NMI: variants seen among roughly 807,000 people sequenced by gnomAD.
NMI encodes N-myc-interactor.
A neutral mutation model predicts 34.3 loss-of-function variants in NMI; 39 were observed. The ratio of observed to expected loss-of-function variants is 1.14; its 90% CI spans 0.88 to 1.49. The LOEUF is 1.49. NMI is among the 40% of genes most tolerant of loss of function. The pLI is 0.00. For synonymous variants in NMI, 113 were observed against 120.3 expected (o/e 0.94, Z 0.40); for missense variants, 339 against 358.1 (o/e 0.95, Z 0.43).
intron 6 of NMI, among the ~76,000 whole-genome samples, chr2:151,274,322 G>A (rs1409800318): frequency 7.7e-5 from 8 of 104,024 alleles, no homozygotes; most frequent in Admixed American, 1.3e-4. Context: ...CAGCCCGGGC[G>A]ACAGAGCAAG....
chr2:151,272,335 G>C (rs778754236), intron 6 of NMI, among the ~76,000 whole-genome samples: 4 of 152,184 alleles, frequency 2.6e-5, no homozygotes, highest in Non-Finnish European at 5.9e-5. Flanking sequence ...AACAAAAACA[G>C]TTCTTGGGAA....
rs114382883 is a variant in NMI, at chr2:151,286,220, C to T, written c.-6-3266G>A. 4.5e-3 allele frequency among the ~76,000 whole-genome samples: 686 copies of T among 152,170 alleles called. 5 individuals carry two copies. Among genetic ancestry groups the T allele is most frequent in the African/African-American group, 0.016 (648 of 41,514 alleles). Reference sequence around the variant, plus strand: ...GTGCACTGAGAACACAATGTAACTTCGACGACAGTCCTGCCAAAGATGCAT... The same window carrying T: ...GTGCACTGAGAACACAATGTAACTTTGACGACAGTCCTGCCAAAGATGCAT... On this transcript the variant is annotated intron_variant, in intron 1 of 7. Transcript: ENST00000243346.
rs150337566 is a variant in NMI at position 151,285,566 on chromosome 2, C to T, written c.-6-2612G>A. ...CTGCGTCACAGCACTCCAGCCTGAG[C>T]GACAGAGTGAGACTCCATCTCAGAA... is the stretch of plus-strand genomic sequence containing the variant. On this transcript the variant is annotated intron_variant, in intron 1 of 7. Coordinates refer to ENST00000243346, the MANE Select transcript of NMI (RefSeq NM_004688.3). Among the ~76,000 whole-genome samples, 553 of 143,842 alleles carry T rather than the reference C, an allele frequency of 3.8e-3. 15 individuals are homozygous for T. Among genetic ancestry groups the T allele is most frequent in the Admixed American group, 0.031 (427 of 13,764 alleles). 94.4% of individuals were successfully genotyped at this position (143,842 alleles called of 152,430 possible). A position where few individuals can be genotyped will look rare whatever the true frequency, so the allele number is the denominator to read the frequency against.
At chr2:151,284,577 C>T (rs2105211537) in intron 1 of NMI, among the ~76,000 whole-genome samples, 1 of 152,252 alleles carries the variant, frequency 6.6e-6, no homozygotes, top group East Asian at 1.9e-4. Flanking sequence ...GGATAAGCCA[C>T]CATGCCTGTC....
chr2:151,271,246 C>T (rs1475443664), intron 7 of NMI, among the ~76,000 whole-genome samples: 1 of 151,932 alleles, frequency 6.6e-6, no homozygotes, highest in Non-Finnish European at 1.5e-5. Flanking sequence ...CCATTGGATA[C>T]CTGAGAAGGA....
rs569302904 is a variant in NMI at position 151,270,578 on chromosome 2, T to C, written c.*115A>G. The stretch of plus-strand genomic sequence containing the variant: ...TGGAAATAAGTTTTGTATCTAAACA[T>C]AAATGGATGGTAAAAATTAAAGTTT... On this transcript the variant is annotated 3_prime_UTR_variant, in exon 8 of 8. Transcript: ENST00000243346. 1.1e-5 allele frequency: 9 copies of C among 799,442 alleles called. No homozygotes were observed. In the African/African-American group the frequency reaches 1.6e-4, roughly 14 times the overall value. The allele number at this position is 799,442 out of a possible 1,614,324, so 49.5% of individuals were successfully genotyped here. A position where few individuals can be genotyped will look rare whatever the true frequency, so the allele number is the denominator to read the frequency against.
At chr2:151,273,957 A>G (rs907386084) in intron 6 of NMI, among the ~76,000 whole-genome samples, 4 of 152,186 alleles carry the variant, frequency 2.6e-5, no homozygotes, top group Non-Finnish European at 5.9e-5. Context: ...AAGACAACAT[A>G]TTACTGTAGC....
At chr2:151,272,346 T>A (rs1411442016) in intron 6 of NMI, among the ~76,000 whole-genome samples, 1 of 152,198 alleles carries the variant, frequency 6.6e-6, no homozygotes, top group East Asian at 1.9e-4. Flanking sequence ...TTCTTGGGAA[T>A]ATACAACCAT....
At chr2:151,274,666 C>T (rs1454262785) in intron 6 of NMI, among the ~76,000 whole-genome samples, 1 of 150,892 alleles carries the variant, frequency 6.6e-6, no homozygotes, top group Non-Finnish European at 1.5e-5. Context: ...TTAGTAGAGA[C>T]GGGGTTTCAC....
chr2:151,270,773 G>C lies in NMI; in HGVS notation c.844C>G (p.Arg282Gly), dbSNP rs780116282. The change falls in exon 8 of 8, where the codon CGG (arginine) becomes GGG (glycine). Residue 282 changes from arginine (R) to glycine (G), a missense_variant. Arg to Gly is a moderately radical substitution (Grantham distance 125). Coordinates refer to ENST00000243346, the MANE Select transcript of NMI (RefSeq NM_004688.3). ...ACTTCTCCACCTCCATTCTTTGCCC[G>C]TTGAAAGTGAATGTTAATTAAATCC... Reference protein sequence around the residue: ...VEDLINIHFQRAKNGGGEVDV... With the variant: ...VEDLINIHFQGAKNGGGEVDV... 2 of 1,613,672 alleles carry C rather than the reference G, an allele frequency of 1.2e-6. No individual in the cohort carries two copies. The highest frequency in any genetic ancestry group is 2.7e-5 in the African/African-American group (2 of 74,884).
At chr2:151,280,692 T>C (rs1444201210) in intron 3 of NMI, among the ~76,000 whole-genome samples, 2 of 152,190 alleles carry the variant, frequency 1.3e-5, no homozygotes, top group Non-Finnish European at 2.9e-5. Context: ...CTTTGAGTTA[T>C]AAGACTGCAT....
intron 6 of NMI, among the ~76,000 whole-genome samples, chr2:151,274,236 G>A (rs376301104): frequency 1.2e-4 from 18 of 148,832 alleles, no homozygotes; most frequent in African/African-American, 3.0e-4. Flanking sequence ...CCAGCTACTC[G>A]GGAGGCTGAG....
At chr2:151,272,334 A>G (rs1683203897) in intron 6 of NMI, among the ~76,000 whole-genome samples, 1 of 152,224 alleles carries the variant, frequency 6.6e-6, no homozygotes, top group Non-Finnish European at 1.5e-5. Context: ...TAACAAAAAC[A>G]GTTCTTGGGA....
At chr2:151,279,976 A>T (rs1250005239) in intron 3 of NMI, among the ~76,000 whole-genome samples, 1 of 152,074 alleles carries the variant, frequency 6.6e-6, no homozygotes, top group African/African-American at 2.4e-5. Context: ...CAGGCAGATC[A>T]CCTGAGGTCA....
rs1201350123 is a variant in NMI, at chr2:151,275,608, T to G, written c.510A>C (p.Glu170Asp). 1 of 1,614,208 alleles carries G rather than the reference T, an allele frequency of 6.2e-7. No individual in the cohort carries two copies. Among genetic ancestry groups the G allele is most frequent in the South Asian group, 1.1e-5 (1 of 91,086 alleles). The change falls in exon 6 of 8, where the codon GAA (glutamate) becomes GAC (aspartate). Residue 170 changes from glutamate (E) to aspartate (D), a missense_variant. By Grantham distance (45) the Glu-to-Asp change is conservative. Transcript: ENST00000243346. Reference protein sequence around the residue: ...NVTEIPDTLREDQMRDKLELS... With the variant: ...NVTEIPDTLRDDQMRDKLELS... ...GCTCTAGTTTGTCTCTCATTTGATC[T>G]TCACGCAATGTGTCAGGAATTTCAG...
At chr2:151,282,407 C>A (rs1360014747) in intron 2 of NMI, among the ~76,000 whole-genome samples, 1 of 152,190 alleles carries the variant, frequency 6.6e-6, no homozygotes, top group Non-Finnish European at 1.5e-5. Context: ...TTTTAAATTG[C>A]ACTGTAATAG....
At position 151,270,587 on chromosome 2, in the gene NMI, G is replaced by A. The variant is rs538328062; in HGVS notation, c.*106C>T. On this transcript the variant is annotated 3_prime_UTR_variant, in exon 8 of 8. Coordinates refer to ENST00000243346, the MANE Select transcript of NMI (RefSeq NM_004688.3). ...GTTTTGTATCTAAACATAAATGGAT[G>A]GTAAAAATTAAAGTTTTCATTTTTT... 355 of 855,410 alleles carry A rather than the reference G, an allele frequency of 4.2e-4. 2 individuals carry two copies. In the African/African-American group the frequency reaches 5.7e-3, roughly 14 times the overall value. 53.0% of individuals were successfully genotyped at this position (855,410 alleles called of 1,614,324 possible).
At chr2:151,281,673 A>G (rs1683407940) in intron 3 of NMI, among the ~76,000 whole-genome samples, 1 of 152,128 alleles carries the variant, frequency 6.6e-6, no homozygotes. Context: ...TTGTGTTAAC[A>G]TTGTGTTTAT....
At chr2:151,277,365 G>A (rs1284789116) in intron 4 of NMI, 2 of 152,192 alleles carry the variant, frequency 1.3e-5, no homozygotes, top group African/African-American at 4.8e-5. Flanking sequence ...CCCAACATCT[G>A]GTGATCTGAT....
Sources: gnomAD v4.1 joint callset for allele counts (sites outside exome capture counted in the v4.1 genomes callset) on GRCh38, gnomAD v4.1.1 for gene constraint, MANE v1.5 for transcripts, NCBI Gene and HGNC (gene_info 2026-07-23, HGNC 2026-07-21) for gene names.